The following NEBL variants were observed in gnomAD, a reference collection of about 807,000 sequenced individuals.
The protein encoded by NEBL is LIM and SH3 protein 2.
In NEBL, 122 loss-of-function variants were observed where a neutral mutation model predicts 140.2. The observed-to-expected ratio is 0.87, with a 90% CI of 0.75 to 1.01. The LOEUF is 1.01. Among genes scored for constraint, NEBL ranks in the 50% least tolerant of loss-of-function variants. The probability of loss-of-function intolerance (pLI) is 0.00; values close to 1 mark genes in which losing one functional copy is unlikely to be tolerated. For synonymous variants in NEBL, 436 were observed against 398.9 expected (o/e 1.09, Z -1.11); for missense variants, 1,365 against 1,231.3 (o/e 1.11, Z -1.62).
chr10:21,176,912 T>C (rs1253739479), upstream of NEBL, among the ~76,000 whole-genome samples: 1 of 152,244 alleles, frequency 6.6e-6, no homozygotes, highest in African/African-American at 2.4e-5. Context: ...AAATCAATTA[T>C]AATCACCTTT....
chr10:21,238,967 C>T (rs976435407), intron 3 of NEBL, among the ~76,000 whole-genome samples: 6 of 152,086 alleles, frequency 3.9e-5, no homozygotes, highest in African/African-American at 1.2e-4. Flanking sequence ...CTCAAAATTC[C>T]CTTTCAAACC....
At chr10:21,254,287 T>C (rs1288431514) in intron 1 of NEBL, among the ~76,000 whole-genome samples, 1 of 152,002 alleles carries the variant, frequency 6.6e-6, no homozygotes. Context: ...ACAGGCACAT[T>C]CCACCATGCC....
At chr10:21,014,784 G>A (rs1260420169) in intron 3 of NEBL, among the ~76,000 whole-genome samples, 2 of 152,172 alleles carry the variant, frequency 1.3e-5, no homozygotes, top group East Asian at 1.9e-4. Flanking sequence ...TACTAAACAC[G>A]TGCCTTCATT....
intron 2 of NEBL, among the ~76,000 whole-genome samples, chr10:21,086,336 A>G (rs772729232): frequency 1.3e-5 from 2 of 152,234 alleles, no homozygotes; most frequent in African/African-American, 4.8e-5. Context: ...AATTGTGCTA[A>G]GACCCTATAA....
intron 2 of NEBL, among the ~76,000 whole-genome samples, chr10:21,053,929 A>G (rs546832717): frequency 6.6e-6 from 1 of 152,262 alleles, no homozygotes; most frequent in South Asian, 2.1e-4. Context: ...GCTACTCAAG[A>G]GGCTGAGGCA....
chr10:20,812,812 G>A lies in NEBL; in HGVS notation c.2475C>T (p.His825=), dbSNP rs727503334. ...TCCTGTCCATCTCCACGATGTGAGGGTGGACCCCTTTATAGGCAGCATCGC... is the reference window on the plus strand; with the variant it reads ...TCCTGTCCATCTCCACGATGTGAGGATGGACCCCTTTATAGGCAGCATCGC... ...VVSDAAYKGV[H]PHIVEMDRRP... Residue 825 remains histidine, a synonymous_variant, in exon 24 of 28, where the codon CAC becomes CAT. Coordinates refer to ENST00000377122, the MANE Select transcript of NEBL (RefSeq NM_006393.3). The A allele has an allele frequency of 5.6e-6, 9 of 1,613,940 alleles. No homozygotes were observed. The highest frequency in any genetic ancestry group is 7.6e-6 in the Non-Finnish European group (9 of 1,179,940).
Position 20,787,212 on chromosome 10 carries a change from G to A in NEBL, c.2858C>T (p.Ser953Leu), listed in dbSNP as rs1383928349. The A allele has an allele frequency of 3.1e-6, 5 of 1,610,576 alleles. No individual in the cohort carries two copies. The highest frequency in any genetic ancestry group is 4.2e-6 in the Non-Finnish European group (5 of 1,177,590). ...SVSSMRSMQH[S>L]PNLRTYRAMY... Reference sequence around the variant, plus strand: ...CAAATGGACACTTACTAGATTTGGTGAATGCTGCATTGATCTCATGGATGA... The same window carrying A: ...CAAATGGACACTTACTAGATTTGGTAAATGCTGCATTGATCTCATGGATGA... Residue 953 changes from serine to leucine, a missense_variant, in exon 27 of 28, where the codon TCA becomes TTA. By Grantham distance (145) the Ser-to-Leu change is moderately radical. Around this residue, in one of 2 missense-constraint regions of NEBL, gnomAD observed 1,323 missense variants for 1,154.8 expected, o/e 1.15. Coordinates refer to ENST00000377122, the MANE Select transcript of NEBL (RefSeq NM_006393.3).
intron 3 of NEBL, among the ~76,000 whole-genome samples, chr10:21,221,986 G>A (rs1282286039): frequency 3.3e-5 from 5 of 151,950 alleles, no homozygotes; most frequent in Admixed American, 2.0e-4. Flanking sequence ...GAGGCTCTGA[G>A]CAAGCCCGTT....
At chr10:20,883,691 T>C (rs1190151953) in intron 4 of NEBL, among the ~76,000 whole-genome samples, 1 of 152,242 alleles carries the variant, frequency 6.6e-6, no homozygotes, top group Admixed American at 6.5e-5. Context: ...TACTAACATA[T>C]ACTTGTGACT....
chr10:20,884,743 G>C (rs1846331470), intron 4 of NEBL, among the ~76,000 whole-genome samples: 2 of 152,238 alleles, frequency 1.3e-5, no homozygotes, highest in Admixed American at 6.5e-5. Context: ...CTCTCATTAA[G>C]CTGCAGTTCC....
intron 26 of NEBL, among the ~76,000 whole-genome samples, chr10:20,805,829 A>G (rs1837562179): frequency 6.6e-6 from 1 of 151,004 alleles, no homozygotes; most frequent in Admixed American, 6.6e-5. Context: ...CTCCAGGCTG[A>G]GTGACACAGC....
chr10:20,850,082 T>A (rs934826447), intron 11 of NEBL, among the ~76,000 whole-genome samples: 1 of 152,218 alleles, frequency 6.6e-6, no homozygotes, highest in Non-Finnish European at 1.5e-5. Context: ...TTTACATTAA[T>A]ATCTGAAAGG....
intron 3 of NEBL, among the ~76,000 whole-genome samples, chr10:21,214,528 CACACACAT>C (rs1461491466): frequency 1.3e-5 from 2 of 150,358 alleles, no homozygotes; most frequent in Admixed American, 6.6e-5. Flanking sequence ...ATGCACATTA[CACACACAT>C]ACACACATGC....
At chr10:20,939,833 A>T (rs561047176) in intron 4 of NEBL, among the ~76,000 whole-genome samples, 6 of 152,246 alleles carry the variant, frequency 3.9e-5, no homozygotes, top group Admixed American at 2.0e-4. Flanking sequence ...CAAAAGAGAC[A>T]AAGAAGGCCA....
intron 4 of NEBL, among the ~76,000 whole-genome samples, chr10:20,959,879 G>A (rs1350999165): frequency 6.6e-6 from 1 of 151,836 alleles, no homozygotes; most frequent in Non-Finnish European, 1.5e-5. Context: ...TTATACTGCT[G>A]TCTATATAAC....
chr10:20,868,758 T>C lies in NEBL; in HGVS notation c.590A>G (p.Tyr197Cys), dbSNP rs1564402916. 1 of 1,599,674 alleles carries C rather than the reference T, an allele frequency of 6.3e-7. No homozygotes were observed. The highest frequency in any genetic ancestry group is 1.7e-4 in the Middle Eastern group (1 of 6,024). ...ATTCATTATTCCTTGTCCTTTCTTGTATTCTGCCTAAAATGAATAAATAAG... is the reference window on the plus strand; with the variant it reads ...ATTCATTATTCCTTGTCCTTTCTTGCATTCTGCCTAAAATGAATAAATAAG... ...QISKIISNAE[Y>C]KKGQGIMNKE... The change falls in exon 7 of 28, where the codon TAC becomes TGC. Residue 197 changes from tyrosine (Y) to cysteine (C), a missense_variant. Tyr to Cys is a radical substitution (Grantham distance 194). Coordinates refer to ENST00000377122, the MANE Select transcript of NEBL (RefSeq NM_006393.3).
chr10:21,214,058 T>C (rs1470468488), intron 3 of NEBL, among the ~76,000 whole-genome samples: 1 of 152,102 alleles, frequency 6.6e-6, no homozygotes, highest in Admixed American at 6.6e-5. Flanking sequence ...TACAGACAGA[T>C]AATTAAATCT....
chr10:21,249,472 T>G (rs2097772771), intron 2 of NEBL, among the ~76,000 whole-genome samples: 1 of 152,176 alleles, frequency 6.6e-6, no homozygotes, highest in Admixed American at 6.5e-5. Context: ...GTCATGAAGC[T>G]TTTCCCTACT....
chr10:21,076,444 CAAAAAAAAAAAAAAAAAAAA>C lies in NEBL; in HGVS notation c.165-56263_165-56244del, dbSNP rs56013237. Among the ~76,000 whole-genome samples the C allele has an allele frequency of 8.0e-5, 4 of 50,070 alleles. No individual in the cohort carries two copies. In the East Asian group the frequency reaches 2.2e-3, roughly 27 times the overall value. The allele number at this position is 50,070 out of a possible 152,430, so 32.8% of individuals were successfully genotyped here. ...TGGGCAACAGAGAGAGACTCAGTTT[CAAAAAAAAAAAAAAAAAAAA>C]AAAAAAAAAAGAATTACCACACAAC... On this transcript the variant is annotated intron_variant, in intron 2 of 6. Coordinates refer to the NEBL transcript ENST00000417816.
Sources: gnomAD v4.1 joint callset for allele counts (sites outside exome capture counted in the v4.1 genomes callset) on GRCh38, gnomAD v4.1.1 for gene constraint, gnomAD v4.1.1 regional missense constraint, MANE v1.5 for transcripts, NCBI Gene and HGNC (gene_info 2026-07-23, HGNC 2026-07-21) for gene names.